Variants in MLLT3 observed in about 807,000 individuals in gnomAD.
MLLT3 encodes protein AF-9.
A neutral mutation model predicts 53.2 loss-of-function variants in MLLT3; 4 were observed. The ratio of observed to expected loss-of-function variants is 0.08; its 90% CI spans 0.04 to 0.17. The LOEUF is 0.17. MLLT3 is among the 10% of genes least tolerant of loss of function. The pLI is 1.00. For missense variants in MLLT3, 569 were observed against 684.0 expected, an observed-to-expected ratio of 0.83 and a Z score of 1.87; for synonymous variants, 283 against 230.6, an observed-to-expected ratio of 1.23 and a Z score of -2.06.
At chr9:20,616,215 G>C (rs1179424512) in intron 2 of MLLT3, among the ~76,000 whole-genome samples, 3 of 152,064 alleles carry the variant, frequency 2.0e-5, no homozygotes, top group African/African-American at 7.2e-5. Flanking sequence ...AATGAGAAAA[G>C]AGACACAGAA....
At chr9:20,578,289 A>G (rs1819706352) in intron 2 of MLLT3, among the ~76,000 whole-genome samples, 1 of 152,188 alleles carries the variant, frequency 6.6e-6, no homozygotes, top group African/African-American at 2.4e-5. Flanking sequence ...GATGTATTAA[A>G]ATTTTGAATC....
At position 20,473,243 on chromosome 9, in the gene MLLT3, G is replaced by A. The variant is rs919280666; in HGVS notation, c.194-16457C>T. Among the ~76,000 whole-genome samples, 7 of 151,894 alleles carry A rather than the reference G, an allele frequency of 4.6e-5. No homozygotes were observed. The South Asian group carries it at 6.3e-4, about 14-fold the overall frequency. On this transcript the variant is annotated intron_variant, in intron 2 of 10. Transcript: ENST00000380338. Reference sequence around the variant, plus strand: ...GCTTCAGTTACACTGCTATTTTTTCGTCCACCAAATGGTTAAAGTTACTTC... The same window carrying A: ...GCTTCAGTTACACTGCTATTTTTTCATCCACCAAATGGTTAAAGTTACTTC...
Position 20,365,528 on chromosome 9 carries a change from G to A in MLLT3, c.1201+141C>T, listed in dbSNP as rs369083159. ...AATTTTTTGTATTTTTAGTAGAGAC[G>A]TTTACTAAACACGGTTTCACCGTGT... On this transcript the variant is annotated intron_variant, in intron 6 of 10. Coordinates refer to ENST00000380338, the MANE Select transcript of MLLT3 (RefSeq NM_004529.4). 179 of 958,668 alleles carry A rather than the reference G, an allele frequency of 1.9e-4. 4 individuals carry two copies. The South Asian group carries it at 2.3e-3, about 12-fold the overall frequency. The allele number at this position is 958,668 out of a possible 1,614,324, so 59.4% of individuals were successfully genotyped here.
rs536560095 is a variant in MLLT3 at position 20,448,474 on chromosome 9, G to C, written c.277-208C>G. Among the ~76,000 whole-genome samples, 1 of 152,056 alleles carries C rather than the reference G, an allele frequency of 6.6e-6. No individual in the cohort carries two copies. The highest frequency in any genetic ancestry group is 2.1e-4 in the South Asian group (1 of 4,812). On this transcript the variant is annotated intron_variant, in intron 3 of 10. Transcript: ENST00000380338. This position sits in a 1 kb window ranked among gnomAD's most constrained non-coding sequence, Gnocchi z 4.0. ...TCTGACAAATTAGTTTCTTGTGTTA[G>C]GGGAAATGAAATAAGAAAAACTTCT... is the stretch of plus-strand genomic sequence containing the variant.
intron 2 of MLLT3, among the ~76,000 whole-genome samples, chr9:20,508,274 C>T (rs373376147): frequency 5.3e-5 from 8 of 152,276 alleles, no homozygotes; most frequent in East Asian, 3.9e-4. Flanking sequence ...CCCCACATTC[C>T]GCCCTTCCCC....
At position 20,365,401 on chromosome 9, in the gene MLLT3, G is replaced by A. The variant is rs532934659; in HGVS notation, c.1201+268C>T. Among the ~76,000 whole-genome samples, 14 of 152,082 alleles carry A rather than the reference G, an allele frequency of 9.2e-5. No homozygotes were observed. In the South Asian group the frequency reaches 1.5e-3, roughly 16 times the overall value. On this transcript the variant is annotated intron_variant, in intron 6 of 10. Transcript: ENST00000380338. ...GTCACCCAGGCTGGAGTGCAGTGGC[G>A]CGATCTCAGCTCACTGCAACTTCCG...
intron 2 of MLLT3, among the ~76,000 whole-genome samples, chr9:20,563,669 T>C (rs1819276827): frequency 1.3e-5 from 2 of 152,130 alleles, no homozygotes; most frequent in African/African-American, 4.8e-5. Flanking sequence ...AGCCCATTGT[T>C]TTTTTCCCTT....
chr9:20,600,509 C>T (rs1321096551), intron 2 of MLLT3, among the ~76,000 whole-genome samples: 2 of 152,226 alleles, frequency 1.3e-5, no homozygotes, highest in Admixed American at 6.5e-5. Context: ...CTTTTCCCAT[C>T]TGAGTGTTCA....
chr9:20,477,329 C>T (rs12004010), intron 2 of MLLT3, among the ~76,000 whole-genome samples: 2,404 of 152,206 alleles, frequency 0.016, 63 homozygotes, highest in African/African-American at 0.054. Context: ...GTTGCTTATG[C>T]CCTTTGTTTT....
intron 2 of MLLT3, among the ~76,000 whole-genome samples, chr9:20,548,811 T>C (rs930286130): frequency 2.7e-5 from 4 of 150,428 alleles, no homozygotes; most frequent in South Asian, 2.1e-4. Context: ...AAAACACATA[T>C]TTTGCTCAAA....
rs1428157593 is a variant in MLLT3, at chr9:20,458,176, C to A, written c.194-1390G>T. Among the ~76,000 whole-genome samples the A allele has an allele frequency of 4.6e-5, 7 of 152,212 alleles. No individual in the cohort carries two copies. The East Asian group carries it at 1.2e-3, about 25-fold the overall frequency. ...TCTAGACCACAAAGCATTACCATCT[C>A]TTTTCCTTTTATCCTCCCAAAAAGT... On this transcript the variant is annotated intron_variant, in intron 2 of 10. Coordinates refer to ENST00000380338, the MANE Select transcript of MLLT3 (RefSeq NM_004529.4).
intron 2 of MLLT3, among the ~76,000 whole-genome samples, chr9:20,582,014 C>T (rs373889984): frequency 1.3e-5 from 2 of 152,240 alleles, no homozygotes; most frequent in East Asian, 3.9e-4. Flanking sequence ...AAATTATTCT[C>T]CTTACAAAAC....
intron 7 of MLLT3, among the ~76,000 whole-genome samples, chr9:20,361,240 G>A (rs1821314268): frequency 6.6e-6 from 1 of 152,098 alleles, no homozygotes; most frequent in Non-Finnish European, 1.5e-5. Flanking sequence ...CTATGATCAA[G>A]CATGCTACTC....
chr9:20,471,819 G>A (rs1266724861), intron 2 of MLLT3, among the ~76,000 whole-genome samples: 2 of 151,604 alleles, frequency 1.3e-5, no homozygotes, highest in South Asian at 2.1e-4. Flanking sequence ...CTGCCCCTAA[G>A]GATGTCACCT....
chr9:20,488,554 A>C (rs1349702897), intron 2 of MLLT3, among the ~76,000 whole-genome samples: 2 of 152,196 alleles, frequency 1.3e-5, no homozygotes, highest in African/African-American at 4.8e-5. Context: ...TAAGAATGAC[A>C]ATTTTCTCAA....
chr9:20,391,277 C>A (rs1822172773), intron 5 of MLLT3, among the ~76,000 whole-genome samples: 1 of 152,030 alleles, frequency 6.6e-6, no homozygotes, highest in African/African-American at 2.4e-5. Context: ...TTTAGAAAAT[C>A]CTTGCTAATT....
At position 20,555,830 on chromosome 9, in the gene MLLT3, C is replaced by G. The variant is rs556465665; in HGVS notation, c.193+64824G>C. On this transcript the variant is annotated intron_variant, in intron 2 of 10. Coordinates refer to ENST00000380338, the MANE Select transcript of MLLT3 (RefSeq NM_004529.4). ...ACATTTCTAGACGTCTAAAAGGGAA[C>G]AAAATGCTTTTGCAAGTTGGATTGC... Among the ~76,000 whole-genome samples the G allele has an allele frequency of 2.6e-5, 4 of 152,312 alleles. No individual in the cohort carries two copies. The East Asian group carries it at 5.8e-4, about 22-fold the overall frequency.
intron 5 of MLLT3, among the ~76,000 whole-genome samples, chr9:20,406,671 T>C (rs1822584897): frequency 6.6e-6 from 1 of 152,206 alleles, no homozygotes; most frequent in Non-Finnish European, 1.5e-5. Context: ...GACCCATATA[T>C]GTATTTTCCT....
At chr9:20,426,962 A>G (rs1823153243) in intron 4 of MLLT3, among the ~76,000 whole-genome samples, 2 of 152,148 alleles carry the variant, frequency 1.3e-5, no homozygotes, top group East Asian at 3.9e-4. Context: ...GCACATTTGG[A>G]GACCTAAACC....
Sources: gnomAD v4.1 joint callset for allele counts (sites outside exome capture counted in the v4.1 genomes callset) on GRCh38, gnomAD v4.1.1 for gene constraint, Gnocchi (gnomAD v3.1) non-coding constraint, MANE v1.5 for transcripts, NCBI Gene and HGNC (gene_info 2026-07-23, HGNC 2026-07-21) for gene names.